WDR18: variants seen among roughly 807,000 people sequenced by gnomAD.
The protein encoded by WDR18 is WD repeat-containing protein 18.
A neutral mutation model predicts 49.6 loss-of-function variants in WDR18; 33 were observed. The ratio of observed to expected loss-of-function variants is 0.67; its 90% CI spans 0.50 to 0.89. The LOEUF (loss-of-function observed/expected upper bound fraction) is 0.89. Ranked by LOEUF, WDR18 falls within the 40% of genes least tolerant of loss-of-function variation. The pLI is 0.00. For missense variants in WDR18, 653 were observed against 593.6 expected (o/e 1.10, Z -1.04); for synonymous variants, 315 against 263.6 (o/e 1.19, Z -1.89).
At chr19:988,575 G>C (rs1472598214) in intron 2 of WDR18, among the ~76,000 whole-genome samples, 2 of 152,216 alleles carry the variant, frequency 1.3e-5, no homozygotes, top group African/African-American at 4.8e-5. Flanking sequence ...AGCAGGCTCT[G>C]CCTGCCCCAA....
At chr19:988,316 T>G (rs1389160960) in intron 2 of WDR18, among the ~76,000 whole-genome samples, 1 of 152,152 alleles carries the variant, frequency 6.6e-6, no homozygotes, top group Non-Finnish European at 1.5e-5. Context: ...GAGCCAGGGC[T>G]GTGGGGCGGG....
At chr19:990,736 C>G in intron 4 of WDR18, 116 bp from the exon 5 acceptor site, 35 of 1,422,424 alleles carry the variant, frequency 2.5e-5, no homozygotes, top group Non-Finnish European at 3.1e-5. Flanking sequence ...CACCCAAAGT[C>G]GCAAGCCCTA....
chr19:989,722 G>T, intron 2 of WDR18, 40 bp from the exon 3 acceptor site: 1 of 1,609,862 alleles, frequency 6.2e-7, no homozygotes, highest in Non-Finnish European at 8.5e-7. Context: ...CTCCCCTGGG[G>T]CTTTCCTCCC....
At position 984,376 on chromosome 19, in the gene WDR18, C is replaced by A; in HGVS notation, c.23C>A (p.Ala8Asp). The A allele has an allele frequency of 1.3e-6, 2 of 1,595,206 alleles. No individual in the cohort carries two copies. Among genetic ancestry groups the A allele is most frequent in the Non-Finnish European group, 1.7e-6 (2 of 1,173,076 alleles). The change falls in exon 1 of 10, where the codon GCC (alanine) becomes GAC (aspartate). Residue 8 changes from alanine to aspartate, a missense_variant. Transcript: ENST00000585809. ...AAGATGGCGGCGCCCATGGAGGTGG[C>A]CGTGTGTACGGACTCGGCGGCCCCG... MAAPMEV[A>D]VCTDSAAPMW... is the part of the protein sequence containing the mutation.
rs147843131 is a variant in WDR18 at position 989,395 on chromosome 19, G to A, written c.322-367G>A. Among the ~76,000 whole-genome samples the A allele has an allele frequency of 5.0e-3, 758 of 152,240 alleles. 7 individuals are homozygous for A. Among genetic ancestry groups the A allele is most frequent in the African/African-American group, 0.017 (717 of 41,550 alleles). The stretch of plus-strand genomic sequence containing the variant: ...GACTTCCTGTTGAATGGTGGGAGCC[G>A]CCTGCAGGTCCTGAGTGCAGCCGTT... On this transcript the variant is annotated intron_variant, in intron 2 of 9. Coordinates refer to ENST00000585809, the MANE Select transcript of WDR18 (RefSeq NM_024100.4).
intron 6 of WDR18, 39 bp from the exon 7 acceptor site, chr19:991,188 G>T (rs376860620): frequency 1.3e-5 from 19 of 1,444,138 alleles, no homozygotes; most frequent in Non-Finnish European, 1.6e-5. Context: ...GGCACGTCCT[G>T]TCTGGCACGT....
rs1314393478 is a variant in WDR18 at position 991,984 on chromosome 19, G to A, written c.961G>A (p.Ala321Thr). 1.9e-6 allele frequency: 3 copies of A among 1,595,674 alleles called. No individual in the cohort carries two copies. Among genetic ancestry groups the A allele is most frequent in the Admixed American group, 1.7e-5 (1 of 59,354 alleles). The change falls in exon 8 of 10, where the codon GCG becomes ACG. Residue 321 changes from alanine to threonine, a missense_variant. Physicochemically the swap from Ala to Thr is moderately conservative, Grantham distance 58. Transcript: ENST00000585809. ...AGTCACCAATGCCGCCATCCTGCTG[G>A]CGCCCGTCAGCATGCTGAGCTCAGA... is the stretch of plus-strand genomic sequence containing the variant. ...GPVTNAAILLAPVSMLSSDFR... is the reference protein window; with the variant it reads ...GPVTNAAILLTPVSMLSSDFR...
In WDR18 at chr19:985,469, TGA is replaced by T. The variant is rs568775832; in HGVS notation, c.211-394_211-393del. Among the ~76,000 whole-genome samples the T allele has an allele frequency of 2.8e-3, 422 of 152,246 alleles. 2 individuals carry two copies. Among genetic ancestry groups the T allele is most frequent in the African/African-American group, 9.4e-3 (391 of 41,542 alleles). On this transcript the variant is annotated intron_variant, in intron 1 of 9. Transcript: ENST00000585809. ...ACAGCCGTGAGCCACCACGCCCGGCTGAGTTTTCCCATTTTAGAGAGGAGGAA... is the reference window on the plus strand; with the variant it reads ...ACAGCCGTGAGCCACCACGCCCGGCTGTTTTCCCATTTTAGAGAGGAGGAA...
chr19:992,236 G>C (rs1220492329), intron 8 of WDR18, 115 bp downstream of exon 8: 1 of 1,256,080 alleles, frequency 8.0e-7, no homozygotes, highest in Non-Finnish European at 1.0e-6. Context: ...CCACAAGCCC[G>C]GCACTGGAGG....
At chr19:990,476 C>T (rs996671589) in intron 4 of WDR18, 112 bp downstream of exon 4, 6 of 1,370,262 alleles carry the variant, frequency 4.4e-6, no homozygotes, top group Admixed American at 3.0e-5. Context: ...GGACTCCAGA[C>T]GGCTTTTAAT....
intron 5 of WDR18, 38 bp from the exon 6 acceptor site, chr19:991,043 A>G: frequency 6.3e-7 from 1 of 1,599,470 alleles, no homozygotes; most frequent in Non-Finnish European, 8.5e-7. Context: ...GGCTGAGGGC[A>G]TCGGGCCTGC....
chr19:988,199 G>T (rs181255302), intron 2 of WDR18, among the ~76,000 whole-genome samples: 74 of 152,204 alleles, frequency 4.9e-4, no homozygotes, highest in African/African-American at 1.7e-3. Flanking sequence ...AGCTCAGGCC[G>T]GGACTGCCTC....
intron 8 of WDR18, 136 bp from the exon 9 acceptor site, chr19:993,884 C>G (rs574451808): frequency 1.0e-6 from 1 of 964,258 alleles, no homozygotes; most frequent in African/African-American, 1.6e-5. Context: ...CCGTCTCAGT[C>G]TTCCCTTCTG....
chr19:989,706 C>A, intron 2 of WDR18, 56 bp from the exon 3 acceptor site: 3 of 1,602,246 alleles, frequency 1.9e-6, no homozygotes, highest in South Asian at 2.2e-5. Flanking sequence ...CTGCAGCCCC[C>A]CTTTCCTCCC....
rs774196977 is a variant in WDR18, at chr19:990,265, C to A, written c.498C>A (p.His166Gln). The change falls in exon 4 of 10, where the codon CAC becomes CAA. Residue 166 changes from histidine to glutamine, a missense_variant. Coordinates refer to ENST00000585809, the MANE Select transcript of WDR18 (RefSeq NM_024100.4). ...ADPSRIPAPR[H>Q]VWSHHALPIT... ...CCTCCAGGATTCCGGCGCCCAGGCA[C>A]GTCTGGTCTCACCACGCGCTCCCCA... 6.3e-7 allele frequency: 1 copy of A among 1,599,366 alleles called. No homozygotes were observed. Among genetic ancestry groups the A allele is most frequent in the Non-Finnish European group, 8.5e-7 (1 of 1,179,360 alleles).
Position 991,324 on chromosome 19 carries a change from C to G in WDR18, c.904C>G (p.Gln302Glu), listed in dbSNP as rs374262222. The G allele has an allele frequency of 3.9e-6, 6 of 1,557,954 alleles. No homozygotes were observed. In the African/African-American group the frequency reaches 8.2e-5, roughly 21 times the overall value. Residue 302 changes from glutamine to glutamate, a missense_variant, in exon 7 of 10, where the codon CAG (glutamine) becomes GAG (glutamate). Gln to Glu is a conservative substitution (Grantham distance 29). Transcript: ENST00000585809. ...TVRLWDVQSK[Q>E]CIRTVALKGP... ...GCGCCTCTGGGACGTGCAGAGCAAG[C>G]AGTGCATCCGGACGGTGGCCCTCAA... is the stretch of plus-strand genomic sequence containing the variant.
chr19:986,414 C>T (rs1029389318), intron 2 of WDR18, among the ~76,000 whole-genome samples: 3 of 152,164 alleles, frequency 2.0e-5, no homozygotes, highest in African/African-American at 4.8e-5. Flanking sequence ...GGATTCCAGG[C>T]GCCCACCACC....
At position 991,972 on chromosome 19, in the gene WDR18, G is replaced by A. The variant is rs368807410; in HGVS notation, c.949G>A (p.Ala317Thr). 11 of 1,591,450 alleles carry A rather than the reference G, an allele frequency of 6.9e-6. No homozygotes were observed. In the African/African-American group the frequency reaches 9.5e-5, roughly 14 times the overall value. ...CCCCCCAGGCCCAGTCACCAATGCC[G>A]CCATCCTGCTGGCGCCCGTCAGCAT... ...VALKGPVTNA[A>T]ILLAPVSMLS... The change falls in exon 8 of 10, where the codon GCC becomes ACC. Residue 317 changes from alanine (A) to threonine (T), a missense_variant. Transcript: ENST00000585809.
chr19:994,112 G>A (rs2038598468), intron 9 of WDR18, 24 bp downstream of exon 9: 5 of 1,550,150 alleles, frequency 3.2e-6, no homozygotes, highest in South Asian at 1.2e-5. Flanking sequence ...CGGGAGGGGC[G>A]GGGCCTGAGG....
Sources: gnomAD v4.1 joint callset for allele counts (sites outside exome capture counted in the v4.1 genomes callset) on GRCh38, gnomAD v4.1.1 for gene constraint, MANE v1.5 for transcripts, NCBI Gene and HGNC (gene_info 2026-07-23, HGNC 2026-07-21) for gene names.